SNX29: variants seen among roughly 807,000 people sequenced by gnomAD.
SNX29 encodes sorting nexin-29.
A neutral mutation model predicts 102.1 loss-of-function variants in SNX29; 78 were observed. That is an observed-to-expected ratio of 0.76 (90% CI 0.64 to 0.92). The LOEUF (loss-of-function observed/expected upper bound fraction) is 0.92, where lower values mean the gene tolerates loss of function less well. Among genes scored for constraint, SNX29 ranks in the 40% least tolerant of loss-of-function variants. The probability of loss-of-function intolerance (pLI) is 0.00; values close to 1 mark genes in which losing one functional copy is unlikely to be tolerated. For synonymous variants in SNX29, 580 were observed against 414.5 expected, an observed-to-expected ratio of 1.40 and a Z score of -4.85; for missense variants, 1,280 against 1,061.7, an observed-to-expected ratio of 1.21 and a Z score of -2.86.
intron 4 of SNX29, among the ~76,000 whole-genome samples, chr16:12,041,363 C>T (rs1159880903): frequency 1.3e-5 from 2 of 152,214 alleles, no homozygotes; most frequent in African/African-American, 4.8e-5. Flanking sequence ...CCGCTCGCAT[C>T]GGCCTCCCGG....
At chr16:11,987,563 A>C (rs1482667677) in intron 1 of SNX29, among the ~76,000 whole-genome samples, 1 of 151,950 alleles carries the variant, frequency 6.6e-6, no homozygotes, top group Non-Finnish European at 1.5e-5. Context: ...CGCCCAGCTA[A>C]TTTTTGTATT....
chr16:12,483,556 C>G (rs1022737778), intron 19 of SNX29, among the ~76,000 whole-genome samples: 1 of 152,068 alleles, frequency 6.6e-6, no homozygotes, highest in African/African-American at 2.4e-5. Context: ...AGCTCGTGAT[C>G]CACCCACCTC....
intron 11 of SNX29, among the ~76,000 whole-genome samples, chr16:12,106,338 G>A (rs1269634014): frequency 6.6e-6 from 1 of 151,950 alleles, no homozygotes; most frequent in Non-Finnish European, 1.5e-5. Context: ...CTTCCCACTT[G>A]ACAGTTTGAA....
chr16:12,476,711 G>A (rs2087671426), intron 18 of SNX29, among the ~76,000 whole-genome samples: 1 of 151,852 alleles, frequency 6.6e-6, no homozygotes, highest in African/African-American at 2.4e-5. Context: ...AAATGTCGTG[G>A]TTTTAGTCTC....
intron 18 of SNX29, among the ~76,000 whole-genome samples, chr16:12,442,519 A>C (rs2085852807): frequency 6.6e-6 from 1 of 151,660 alleles, no homozygotes; most frequent in Non-Finnish European, 1.5e-5. Context: ...CTCAGATGCA[A>C]CTCTGTTCTT....
intron 16 of SNX29, among the ~76,000 whole-genome samples, chr16:12,391,672 G>C (rs1041529604): frequency 2.0e-5 from 3 of 151,694 alleles, no homozygotes; most frequent in Non-Finnish European, 4.4e-5. Context: ...TATCTTTTTT[G>C]GGATGCATTT....
intron 15 of SNX29, among the ~76,000 whole-genome samples, chr16:12,330,101 A>G (rs1011171478): frequency 2.0e-5 from 3 of 152,194 alleles, no homozygotes; most frequent in African/African-American, 2.4e-5. Context: ...TAAATAATTT[A>G]CAGCTTAAGT....
intron 15 of SNX29, among the ~76,000 whole-genome samples, chr16:12,331,304 G>A (rs985878322): frequency 1.3e-5 from 2 of 152,170 alleles, no homozygotes; most frequent in Non-Finnish European, 2.9e-5. Context: ...GGGTCCCTTG[G>A]TCATGCATTT....
At position 12,569,302 on chromosome 16, in the gene SNX29, C is replaced by G. The variant is rs192799649; in HGVS notation, c.*673C>G. The G allele has an allele frequency of 4.0e-4, 92 of 229,530 alleles. No individual in the cohort carries two copies. In the East Asian group the frequency reaches 5.6e-3, roughly 14 times the overall value. 14.2% of individuals were successfully genotyped at this position (229,530 alleles called of 1,614,324 possible). On this transcript the variant is annotated 3_prime_UTR_variant, in exon 21 of 21. Coordinates refer to ENST00000566228, the MANE Select transcript of SNX29 (RefSeq NM_032167.5). Reference sequence around the variant, plus strand: ...CTTCCCCTACCTCCCCCATGGCTGGCTTCAGGAAGGACCAGTGCCCTCCAT... The same window carrying G: ...CTTCCCCTACCTCCCCCATGGCTGGGTTCAGGAAGGACCAGTGCCCTCCAT...
At chr16:12,164,474 G>A (rs777581288) in intron 13 of SNX29, among the ~76,000 whole-genome samples, 1 of 152,058 alleles carries the variant, frequency 6.6e-6, no homozygotes, top group Non-Finnish European at 1.5e-5. Context: ...TTTGCCCCTG[G>A]CCTAGCATTA....
intron 15 of SNX29, among the ~76,000 whole-genome samples, chr16:12,312,602 G>C (rs1596863100): frequency 1.3e-5 from 2 of 151,998 alleles, no homozygotes. Context: ...CGCATTTCTT[G>C]GGAGCTTAAG....
At chr16:12,353,597 T>A (rs1169091946) in intron 15 of SNX29, among the ~76,000 whole-genome samples, 1 of 152,196 alleles carries the variant, frequency 6.6e-6, no homozygotes, top group African/African-American at 2.4e-5. Context: ...CTCCGCCTCC[T>A]CCCTGCCAGC....
At chr16:12,508,842 G>A (rs1184976316) in intron 19 of SNX29, among the ~76,000 whole-genome samples, 1 of 152,158 alleles carries the variant, frequency 6.6e-6, no homozygotes, top group Non-Finnish European at 1.5e-5. Flanking sequence ...CCCTGAGGGA[G>A]CTTTCTTGGG....
chr16:12,133,651 TAA>T (rs1483756117), intron 13 of SNX29, among the ~76,000 whole-genome samples: 2 of 152,182 alleles, frequency 1.3e-5, no homozygotes, highest in African/African-American at 4.8e-5. Flanking sequence ...TTTTGTTGAA[TAA>T]ATAAAACGAG....
intron 15 of SNX29, among the ~76,000 whole-genome samples, chr16:12,354,712 G>A (rs2082083049): frequency 6.6e-6 from 1 of 152,180 alleles, no homozygotes; most frequent in Non-Finnish European, 1.5e-5. Context: ...TGATTTCTGT[G>A]TGGAGGAGGC....
intron 14 of SNX29, among the ~76,000 whole-genome samples, chr16:12,218,491 A>G (rs888556178): frequency 2.6e-5 from 4 of 152,236 alleles, no homozygotes; most frequent in Non-Finnish European, 4.4e-5. Flanking sequence ...CTTTTGAGCT[A>G]TAACACAAGA....
rs2082119189 is a variant in SNX29 at position 12,355,870 on chromosome 16, AAAAAAAG to A, written c.1783-291_1783-285del. Reference sequence around the variant, plus strand: ...AAAAAAAAAAAAAAAAAAAAAAAAAAAAAAAAGAGAGAGGAAAAAAAAAGCCCAAGGT... The same window carrying A: ...AAAAAAAAAAAAAAAAAAAAAAAAAAAGAGAGGAAAAAAAAAGCCCAAGGT... On this transcript the variant is annotated intron_variant, in intron 15 of 20. Transcript: ENST00000566228. Among the ~76,000 whole-genome samples, 24 of 139,334 alleles carry A rather than the reference AAAAAAAG, an allele frequency of 1.7e-4. No individual in the cohort carries two copies. The South Asian group carries it at 4.8e-3, about 28-fold the overall frequency. The allele number at this position is 139,334 out of a possible 152,430, so 91.4% of individuals were successfully genotyped here.
intron 14 of SNX29, among the ~76,000 whole-genome samples, chr16:12,209,623 A>G (rs964215211): frequency 2.0e-5 from 3 of 151,904 alleles, no homozygotes; most frequent in Non-Finnish European, 2.9e-5. Flanking sequence ...GGCTGAAGGG[A>G]TGCTCCTGGG....
At chr16:12,456,832 T>C (rs1053396423) in intron 18 of SNX29, among the ~76,000 whole-genome samples, 2 of 152,116 alleles carry the variant, frequency 1.3e-5, no homozygotes, top group African/African-American at 4.8e-5. Flanking sequence ...CTGCTGGCCT[T>C]CACAGAGACG....
Sources: allele counts gnomAD v4.1 joint callset (sites outside exome capture counted in the v4.1 genomes callset), GRCh38; gene constraint gnomAD v4.1.1; transcripts MANE v1.5; gene names NCBI Gene and HGNC (gene_info 2026-07-23, HGNC 2026-07-21).